DAG1: variants seen among roughly 807,000 people sequenced by gnomAD.
DAG1 encodes dystroglycan 1 (dystrophin-associated glycoprotein 1).
A neutral mutation model predicts 46.1 loss-of-function variants in DAG1; 8 were observed. The ratio of observed to expected loss-of-function variants is 0.17; its 90% confidence interval spans 0.10 to 0.31. The LOEUF (loss-of-function observed/expected upper bound fraction) is 0.31. Ranked by LOEUF, DAG1 falls within the 10% of genes least tolerant of loss-of-function variation. The probability of loss-of-function intolerance (pLI) is 1.00; values close to 1 mark genes in which losing one functional copy is unlikely to be tolerated. For missense variants in DAG1, 1,003 were observed against 1,189.9 expected (o/e 0.84, Z 2.31); for synonymous variants, 495 against 481.8 (o/e 1.03, Z -0.36).
Position 49,532,712 on chromosome 3 carries a change from C to G in DAG1, c.2201C>G (p.Thr734Arg), listed in dbSNP as rs940802757. 36 of 1,614,080 alleles carry G rather than the reference C, an allele frequency of 2.2e-5. No individual in the cohort carries two copies. The highest frequency in any genetic ancestry group is 3.3e-5 in the Admixed American group (2 of 60,012). Residue 734 changes from threonine (T) to arginine (R), a missense_variant, in exon 3 of 3, where the codon ACA (threonine) becomes AGA (arginine). Thr to Arg is a moderately conservative substitution (Grantham distance 71). This residue lies in a region of DAG1 where 755 missense variants were observed against 854.1 expected (regional missense o/e 0.88). Coordinates refer to ENST00000308775, the MANE Select transcript of DAG1 (RefSeq NM_004393.6). The surrounding 1 kb of genome is among the most constrained non-coding windows in gnomAD (Gnocchi z 5.4). ...AGAGTGCCCTCAGAGGCGCCGCCCA[C>G]AGAAGTGCCTGACAGGGACCCTGAG... ...PRRVPSEAPP[T>R]EVPDRDPEKS... is the part of the protein sequence containing the mutation.
intron 2 of DAG1, among the ~76,000 whole-genome samples, chr3:49,522,350 A>G (rs1322708074): frequency 6.6e-6 from 1 of 151,742 alleles, no homozygotes; most frequent in Non-Finnish European, 1.5e-5. Flanking sequence ...TATTTTTAGT[A>G]GAGATGGGCT....
At position 49,531,885 on chromosome 3, in the gene DAG1, A is replaced by G. The variant is rs2051359584; in HGVS notation, c.1374A>G (p.Pro458=). Residue 458 remains proline, a synonymous_variant, in exon 3 of 3, where the codon CCA becomes CCG. Coordinates refer to ENST00000308775, the MANE Select transcript of DAG1 (RefSeq NM_004393.6). This position sits in a 1 kb window ranked among gnomAD's most constrained non-coding sequence, Gnocchi z 7.0. The part of the protein sequence containing the change: ...RPTKKPRTPR[P]VPRVTTKVSI... ...CCAAGAAACCACGGACACCCCGGCC[A>G]GTGCCCCGGGTCACCACCAAAGTTT... 1 of 1,614,120 alleles carries G rather than the reference A, an allele frequency of 6.2e-7. No homozygotes were observed. The highest frequency in any genetic ancestry group is 2.2e-5 in the East Asian group (1 of 44,876).
intron 1 of DAG1, among the ~76,000 whole-genome samples, chr3:49,490,695 G>T (rs1043919312): frequency 6.6e-6 from 1 of 150,888 alleles, no homozygotes; most frequent in Non-Finnish European, 1.5e-5. Flanking sequence ...TTAGCCTCCC[G>T]AGTAGCTGAG....
intron 1 of DAG1, chr3:49,470,652 C>T (rs2049490994): frequency 6.6e-6 from 1 of 152,212 alleles, no homozygotes; most frequent in African/African-American, 2.4e-5. Context: ...CGTTCGGCTG[C>T]AAGGCCCGGG....
chr3:49,485,870 A>G (rs1471720463), intron 1 of DAG1, among the ~76,000 whole-genome samples: 1 of 151,878 alleles, frequency 6.6e-6, no homozygotes, highest in East Asian at 1.9e-4. Flanking sequence ...TATGTTGCCC[A>G]GGCTAGTCTC....
chr3:49,524,139 G>A (rs1336140304), intron 2 of DAG1, among the ~76,000 whole-genome samples: 3 of 152,200 alleles, frequency 2.0e-5, no homozygotes, highest in Non-Finnish European at 4.4e-5. Flanking sequence ...TAGAGCAGGT[G>A]CTTTATCCCC....
rs370977225 is a variant in DAG1 at position 49,497,592 on chromosome 3, A to G, written c.-116-12827A>G. Reference sequence around the variant, plus strand: ...GTACCACTGTACTCCACCCTGGGGGATAGATTGAGAGACTGTCTCTCAAAA... The same window carrying G: ...GTACCACTGTACTCCACCCTGGGGGGTAGATTGAGAGACTGTCTCTCAAAA... On this transcript the variant is annotated intron_variant, in intron 1 of 2. Coordinates refer to ENST00000308775, the MANE Select transcript of DAG1 (RefSeq NM_004393.6). Among the ~76,000 whole-genome samples the G allele has an allele frequency of 2.7e-3, 414 of 152,110 alleles. 15 individuals carry two copies. The South Asian group carries it at 0.081, about 30-fold the overall frequency.
Position 49,532,262 on chromosome 3 carries a change from G to A in DAG1, c.1751G>A (p.Gly584Asp), listed in dbSNP as rs547711379. The change falls in exon 3 of 3, where the codon GGC becomes GAC. Residue 584 changes from glycine (G) to aspartate (D), a missense_variant. Coordinates refer to ENST00000308775, the MANE Select transcript of DAG1 (RefSeq NM_004393.6). The surrounding 1 kb of genome is among the most constrained non-coding windows in gnomAD (Gnocchi z 5.4). ...EYFMHATDKG[G>D]LSAVDAFEIH... ...TTCATGCATGCCACAGACAAGGGGG[G>A]CCTGTCGGCTGTGGATGCCTTCGAG... 3 of 1,613,844 alleles carry A rather than the reference G, an allele frequency of 1.9e-6. No homozygotes were observed. The African/African-American group carries it at 4.0e-5, about 22-fold the overall frequency.
chr3:49,470,042 G>C (rs2049462449), upstream of DAG1: 2 of 152,168 alleles, frequency 1.3e-5, no homozygotes, highest in African/African-American at 4.8e-5. Flanking sequence ...GTGACTTTTA[G>C]GGCGGGGGAG....
At position 49,528,275 on chromosome 3, in the gene DAG1, A is replaced by ATTTTTTTTTTTTTTTTTTTTTT. The variant is rs147292984; in HGVS notation, c.286-2516_286-2495dup. The stretch of plus-strand genomic sequence containing the variant: ...CAGCCAAAACATTTGAAATAGTGTG[A>ATTTTTTTTTTTTTTTTTTTTTT]TTTTTTTTTTTTTTTTTTTTTTTTT... On this transcript the variant is annotated intron_variant, in intron 2 of 2. Transcript: ENST00000308775. Among the ~76,000 whole-genome samples, 86 of 66,630 alleles carry ATTTTTTTTTTTTTTTTTTTTTT rather than the reference A, an allele frequency of 1.3e-3. 18 individuals are homozygous for ATTTTTTTTTTTTTTTTTTTTTT. Among genetic ancestry groups the ATTTTTTTTTTTTTTTTTTTTTT allele is most frequent in the African/African-American group, 3.7e-3 (54 of 14,518 alleles). 43.7% of individuals were successfully genotyped at this position (66,630 alleles called of 152,430 possible).
chr3:49,490,875 A>G (rs1231890942), intron 1 of DAG1, among the ~76,000 whole-genome samples: 1 of 144,340 alleles, frequency 6.9e-6, no homozygotes, highest in African/African-American at 2.6e-5. Flanking sequence ...GCCTACTCCT[A>G]AATTCTTTTT....
At chr3:49,498,949 A>G (rs1403401733) in intron 1 of DAG1, among the ~76,000 whole-genome samples, 5 of 152,140 alleles carry the variant, frequency 3.3e-5, no homozygotes, top group East Asian at 1.9e-4. Flanking sequence ...AGCTCAAGCA[A>G]TCTGCCCACC....
intron 2 of DAG1, among the ~76,000 whole-genome samples, chr3:49,512,029 T>A (rs1442594636): frequency 6.6e-6 from 1 of 152,194 alleles, no homozygotes; most frequent in Non-Finnish European, 1.5e-5. Context: ...AAAGAAATAT[T>A]CTTTTACAAT....
intron 1 of DAG1, among the ~76,000 whole-genome samples, chr3:49,494,724 TCA>T (rs1486152371): frequency 6.6e-6 from 1 of 151,784 alleles, no homozygotes; most frequent in East Asian, 1.9e-4. Context: ...AACCTCCGCC[TCA>T]CAGGTTCAAA....
rs142951735 is a variant in DAG1, at chr3:49,532,911, T to C, written c.2400T>C (p.Phe800=). The change falls in exon 3 of 3, where the codon TTT becomes TTC. Residue 800 remains phenylalanine, a synonymous_variant. Transcript: ENST00000308775. This position sits in a 1 kb window ranked among gnomAD's most constrained non-coding sequence, Gnocchi z 5.4. ...TCAAGAAGGGGGTGCCTATCATCTT[T>C]GCAGACGAACTGGACGACTCCAAGC... The part of the protein sequence containing the change: ...TFIKKGVPII[F]ADELDDSKPP... The C allele has an allele frequency of 6.2e-7, 1 of 1,614,136 alleles. No homozygotes were observed. Among genetic ancestry groups the C allele is most frequent in the South Asian group, 1.1e-5 (1 of 91,086 alleles).
chr3:49,473,535 G>T (rs1265068854), intron 1 of DAG1, among the ~76,000 whole-genome samples: 4 of 151,708 alleles, frequency 2.6e-5, no homozygotes, highest in Non-Finnish European at 5.9e-5. Flanking sequence ...GACAATGTGT[G>T]TTCATCCTTG....
chr3:49,474,568 A>T (rs1246367691), intron 1 of DAG1, among the ~76,000 whole-genome samples: 3 of 150,130 alleles, frequency 2.0e-5, no homozygotes, highest in African/African-American at 4.9e-5. Flanking sequence ...CTGATCTCGA[A>T]CTCCTGACCT....
chr3:49,527,987 G>A (rs183207266), intron 2 of DAG1, among the ~76,000 whole-genome samples: 2 of 152,176 alleles, frequency 1.3e-5, no homozygotes, highest in African/African-American at 4.8e-5. Context: ...CATTGGGATG[G>A]AGTAGAGTTA....
chr3:49,503,405 C>T (rs145318074), intron 1 of DAG1, among the ~76,000 whole-genome samples: 2 of 152,330 alleles, frequency 1.3e-5, no homozygotes, highest in Admixed American at 6.5e-5. Context: ...TTCCTATCTT[C>T]AGCCCATTTT....
Sources: gnomAD v4.1 joint callset for allele counts (sites outside exome capture counted in the v4.1 genomes callset) on GRCh38, gnomAD v4.1.1 for gene constraint, gnomAD v4.1.1 regional missense constraint, Gnocchi (gnomAD v3.1) non-coding constraint, MANE v1.5 for transcripts, NCBI Gene and HGNC (gene_info 2026-07-23, HGNC 2026-07-21) for gene names.